The following KIFBP variants were observed in gnomAD, a reference collection of about 807,000 sequenced individuals.
KIFBP encodes kinesin family binding protein.
A neutral mutation model predicts 58.9 loss-of-function variants in KIFBP; 46 were observed. The ratio of observed to expected loss-of-function variants is 0.78; its 90% CI spans 0.62 to 1.00. The LOEUF (loss-of-function observed/expected upper bound fraction) is 1.00, where lower values mean the gene tolerates loss of function less well. Among genes scored for constraint, KIFBP ranks in the 50% least tolerant of loss-of-function variants. The pLI, the probability that KIFBP is intolerant of heterozygous loss-of-function variation, is 0.00. For missense variants in KIFBP, 651 were observed against 752.9 expected (o/e 0.86, Z 1.58); for synonymous variants, 241 against 283.4 (o/e 0.85, Z 1.50).
At chr10:69,006,148 C>T (rs1332892435) in intron 4 of KIFBP, among the ~76,000 whole-genome samples, 2 of 152,086 alleles carry the variant, frequency 1.3e-5, no homozygotes, top group Non-Finnish European at 2.9e-5. Context: ...TTACATGTTA[C>T]CTAAGACCAA....
Position 68,988,861 on chromosome 10 carries a change from G to A in KIFBP, c.29G>A (p.Cys10Tyr). The change falls in exon 1 of 7, where the codon TGC becomes TAC. Residue 10 changes from cysteine to tyrosine, a missense_variant. Cys to Tyr is a radical substitution (Grantham distance 194, BLOSUM62 -2). Coordinates refer to ENST00000361983, the MANE Select transcript of KIFBP (RefSeq NM_015634.4). The stretch of plus-strand genomic sequence containing the variant: ...GCGAACGTTCCGTGGGCAGAGGTCT[G>A]CGAGAAATTCCAGGCGGCGCTCGCT... MANVPWAEV[C>Y]EKFQAALALS... 1 of 1,614,274 alleles carries A rather than the reference G, an allele frequency of 6.2e-7. No individual in the cohort carries two copies. The highest frequency in any genetic ancestry group is 8.5e-7 in the Non-Finnish European group (1 of 1,180,050).
intron 1 of KIFBP, among the ~76,000 whole-genome samples, chr10:68,997,462 C>G (rs1337564743): frequency 6.6e-6 from 1 of 152,188 alleles, no homozygotes; most frequent in African/African-American, 2.4e-5. Context: ...CCTTCCTACT[C>G]CAGCCATGTA....
At chr10:68,998,848 T>C (rs941936507) in intron 1 of KIFBP, among the ~76,000 whole-genome samples, 23 of 145,184 alleles carry the variant, frequency 1.6e-4, no homozygotes, top group African/African-American at 5.8e-4. Context: ...CGATCTCGGC[T>C]CACTGTAACC....
At chr10:68,992,146 AC>A (rs1378675533) in intron 1 of KIFBP, among the ~76,000 whole-genome samples, 4 of 152,234 alleles carry the variant, frequency 2.6e-5, no homozygotes, top group Middle Eastern at 3.4e-3. Flanking sequence ...GGTGCCTGCC[AC>A]CATGCCCAGC....
Position 68,988,804 on chromosome 10 carries a change from T to G in KIFBP, c.-29T>G, listed in dbSNP as rs765359923. 1 of 1,614,014 alleles carries G rather than the reference T, an allele frequency of 6.2e-7. No homozygotes were observed. Among genetic ancestry groups the G allele is most frequent in the East Asian group, 2.2e-5 (1 of 44,886 alleles). On this transcript the variant is annotated 5_prime_UTR_variant, in exon 1 of 7. Transcript: ENST00000361983. ...AAGGCGGGAGTCCCGACTGCAAACA[T>G]TGAGGAAAGCCAGGCAGTAGAGGCC... is the stretch of plus-strand genomic sequence containing the variant.
At chr10:69,014,273 G>A (rs1360589500) in intron 6 of KIFBP, among the ~76,000 whole-genome samples, 2 of 152,168 alleles carry the variant, frequency 1.3e-5, no homozygotes, top group Non-Finnish European at 2.9e-5. Context: ...CCACAAAGGA[G>A]AGACACATGA....
chr10:68,994,959 A>G (rs1175933254), intron 1 of KIFBP, among the ~76,000 whole-genome samples: 1 of 151,846 alleles, frequency 6.6e-6, no homozygotes, highest in African/African-American at 2.4e-5. Flanking sequence ...GCTGGCCTCA[A>G]ACTCCTGGGA....
At chr10:69,001,336 A>G (rs2132111181) in intron 2 of KIFBP, among the ~76,000 whole-genome samples, 1 of 152,274 alleles carries the variant, frequency 6.6e-6, no homozygotes, top group Non-Finnish European at 1.5e-5. Context: ...CACAGCCTGC[A>G]AAGGTGACAA....
chr10:69,005,296 T>G (rs1464658585), intron 3 of KIFBP, among the ~76,000 whole-genome samples, 171 bp downstream of exon 3: 1 of 152,226 alleles, frequency 6.6e-6, no homozygotes, highest in East Asian at 1.9e-4. Flanking sequence ...CTCAGTTTCC[T>G]TATCTGTCAA....
At chr10:69,014,789 T>C (rs1338570276) in intron 6 of KIFBP, among the ~76,000 whole-genome samples, 1 of 150,156 alleles carries the variant, frequency 6.7e-6, no homozygotes, top group East Asian at 2.0e-4. Context: ...TTTGTTCACT[T>C]TGATGTCTTT....
chr10:69,001,139 C>T (rs756646563), intron 2 of KIFBP, among the ~76,000 whole-genome samples: 25 of 151,114 alleles, frequency 1.7e-4, no homozygotes, highest in Non-Finnish European at 1.8e-4. Context: ...TTTTTTAACC[C>T]GTGAAACCCT....
chr10:68,989,033 G>C lies in KIFBP; in HGVS notation c.201G>C (p.Pro67=). 6.2e-7 allele frequency: 1 copy of C among 1,613,598 alleles called. No individual in the cohort carries two copies. Among genetic ancestry groups the C allele is most frequent in the Non-Finnish European group, 8.5e-7 (1 of 1,179,706 alleles). ...EDERPEAEDG[P]GAGDHALGLP... ...AGCGGCCTGAGGCCGAGGACGGCCC[G>C]GGTGCCGGTGACCACGCCCTGGGGC... The change falls in exon 1 of 7, where the codon CCG becomes CCC. Residue 67 remains proline, a synonymous_variant. Coordinates refer to ENST00000361983, the MANE Select transcript of KIFBP (RefSeq NM_015634.4).
intron 2 of KIFBP, among the ~76,000 whole-genome samples, chr10:69,004,198 A>T (rs1266254232): frequency 6.8e-6 from 1 of 146,654 alleles, no homozygotes; most frequent in Non-Finnish European, 1.5e-5. Flanking sequence ...CCAGCCTGGC[A>T]AAAGAGCGAG....
rs7916366 is a variant in KIFBP at position 69,008,125 on chromosome 10, T to G, written c.790-716T>G. Among the ~76,000 whole-genome samples, 1,196 of 151,962 alleles carry G rather than the reference T, an allele frequency of 7.9e-3. 20 individuals are homozygous for G. Among genetic ancestry groups the G allele is most frequent in the African/African-American group, 0.027 (1,120 of 41,398 alleles). On this transcript the variant is annotated intron_variant, in intron 4 of 6. Coordinates refer to ENST00000361983, the MANE Select transcript of KIFBP (RefSeq NM_015634.4). ...ATGTAAAGGGGCTCTCTAAACCTAA[T>G]AAAAATTAAATCCTCAGGCTGGGCA...
chr10:68,990,872 C>A (rs1481305542), intron 1 of KIFBP, among the ~76,000 whole-genome samples: 2 of 152,048 alleles, frequency 1.3e-5, no homozygotes, highest in Non-Finnish European at 2.9e-5. Context: ...AATTCCGTTA[C>A]ATCCAAACAG....
At position 69,003,190 on chromosome 10, in the gene KIFBP, A is replaced by G. The variant is rs1197944341; in HGVS notation, c.526-1856A>G. Among the ~76,000 whole-genome samples the G allele has an allele frequency of 6.6e-5, 10 of 152,180 alleles. 1 individual carries two copies. The East Asian group carries it at 1.5e-3, about 23-fold the overall frequency. ...AAGAGACTGATTTGACTGTATTAAT[A>G]TTACGTATGATGTGTGAAAGCCATA... On this transcript the variant is annotated intron_variant, in intron 2 of 6. Transcript: ENST00000361983.
chr10:69,009,706 G>A (rs1564637871), intron 5 of KIFBP, among the ~76,000 whole-genome samples: 1 of 152,116 alleles, frequency 6.6e-6, no homozygotes, highest in East Asian at 1.9e-4. Context: ...TAAGTATAGT[G>A]TTTCCTTTAG....
Position 69,013,989 on chromosome 10 carries a change from G to A in KIFBP, c.991-1552G>A, listed in dbSNP as rs180880833. The stretch of plus-strand genomic sequence containing the variant: ...TGGTCTTGAACTCTTGAGCTCAAGC[G>A]ATCCACCCACGTCGGCCTCCCAAAG... On this transcript the variant is annotated intron_variant, in intron 6 of 6. Coordinates refer to ENST00000361983, the MANE Select transcript of KIFBP (RefSeq NM_015634.4). Among the ~76,000 whole-genome samples, 501 of 152,210 alleles carry A rather than the reference G, an allele frequency of 3.3e-3. 3 individuals carry two copies. Among genetic ancestry groups the A allele is most frequent in the Middle Eastern group, 0.017 (5 of 294 alleles).
rs1387131459 is a variant in KIFBP, at chr10:69,000,475, G to A, written c.478G>A (p.Ala160Thr). The change falls in exon 2 of 7, where the codon GCT becomes ACT. Residue 160 changes from alanine (A) to threonine (T), a missense_variant. Transcript: ENST00000361983. ...AAGAGAAGAAATTGAAACTGCACAG[G>A]CTTACCTAGAGTCATCAGAAGCACT... ...SEREEIETAQAYLESSEALYN... is the reference protein window; with the variant it reads ...SEREEIETAQTYLESSEALYN... The A allele has an allele frequency of 1.2e-6, 2 of 1,612,322 alleles. No individual in the cohort carries two copies. The highest frequency in any genetic ancestry group is 1.7e-6 in the Non-Finnish European group (2 of 1,178,534).
Sources: allele counts gnomAD v4.1 joint callset (sites outside exome capture counted in the v4.1 genomes callset), GRCh38; gene constraint gnomAD v4.1.1; transcripts MANE v1.5; gene names NCBI Gene and HGNC (gene_info 2026-07-23, HGNC 2026-07-21).